Variants in CDC42BPA observed in about 807,000 individuals in gnomAD.
The protein encoded by CDC42BPA is CDC42 binding protein kinase alpha.
CDC42BPA carries 80 observed loss-of-function variants against 223.5 expected under a neutral mutation model. That is an observed-to-expected ratio of 0.36 (90% CI 0.30 to 0.43). The LOEUF (loss-of-function observed/expected upper bound fraction) is 0.43. Ranked by LOEUF, CDC42BPA falls within the 20% of genes least tolerant of loss-of-function variation. CDC42BPA has a pLI of 1.00. For synonymous variants in CDC42BPA, 694 were observed against 718.6 expected (o/e 0.97, Z 0.55); for missense variants, 1,743 against 2,099.9 (o/e 0.83, Z 3.32).
At chr1:227,004,815 T>C in intron 35 of CDC42BPA, 179 bp downstream of exon 35, 1 of 723,958 alleles carries the variant, frequency 1.4e-6, no homozygotes, top group Middle Eastern at 3.8e-4. Flanking sequence ...CTGGGACTAT[T>C]TTCTTAACAA....
chr1:227,057,717 T>C (rs558001955), intron 21 of CDC42BPA, among the ~76,000 whole-genome samples: 15 of 152,282 alleles, frequency 9.9e-5, no homozygotes, highest in African/African-American at 3.6e-4. Context: ...TCATATGTAA[T>C]AATAAGTCAA....
rs181856079 is a variant in CDC42BPA, at chr1:227,191,155, C to A, written c.599+2631G>T. On this transcript the variant is annotated intron_variant, in intron 5 of 36. Transcript: ENST00000366766. ...GGTAGGGAGTTCGAGACCAACCCGA[C>A]CAACATGGAGAAAACCCACCTCTAC... Among the ~76,000 whole-genome samples, 1,178 of 152,004 alleles carry A rather than the reference C, an allele frequency of 7.7e-3. 8 individuals are homozygous for A. Among genetic ancestry groups the A allele is most frequent in the Non-Finnish European group, 0.013 (883 of 67,940 alleles).
At chr1:227,147,018 T>C (rs1430405586) in intron 7 of CDC42BPA, among the ~76,000 whole-genome samples, 1 of 152,162 alleles carries the variant, frequency 6.6e-6, no homozygotes, top group Non-Finnish European at 1.5e-5. Context: ...GTATTGCACT[T>C]ATTACCACTA....
chr1:226,998,556 A>G (rs1004801027), intron 35 of CDC42BPA, among the ~76,000 whole-genome samples: 2 of 152,250 alleles, frequency 1.3e-5, no homozygotes, highest in African/African-American at 4.8e-5. Context: ...AGGATTCCCT[A>G]TTTAATAAAT....
intron 11 of CDC42BPA, among the ~76,000 whole-genome samples, chr1:227,126,651 C>T (rs1368399203): frequency 1.3e-5 from 2 of 152,096 alleles, no homozygotes; most frequent in African/African-American, 4.8e-5. Context: ...TACACCATGA[C>T]CATGGTTTAC....
At chr1:227,186,154 T>A (rs1236556626) in intron 5 of CDC42BPA, among the ~76,000 whole-genome samples, 1 of 152,144 alleles carries the variant, frequency 6.6e-6, no homozygotes, top group Non-Finnish European at 1.5e-5. Flanking sequence ...TGGACAAGCC[T>A]GAAAGATTAA....
At position 227,193,882 on chromosome 1, in the gene CDC42BPA, T is replaced by C. The variant is rs1296265642; in HGVS notation, c.503A>G (p.Lys168Arg). The C allele has an allele frequency of 5.6e-6, 9 of 1,613,298 alleles. No individual in the cohort carries two copies. Among genetic ancestry groups the C allele is most frequent in the Non-Finnish European group, 7.6e-6 (9 of 1,179,692 alleles). Residue 168 changes from lysine to arginine, a missense_variant, in exon 5 of 37, where the codon AAA (lysine) becomes AGA (arginine). Transcript: ENST00000366766. ...ATCTTCAGGCAATCTATCTTCAAATTTGCTGAGTAGAGTAAGCAAATCCCC... is the reference window on the plus strand; with the variant it reads ...ATCTTCAGGCAATCTATCTTCAAATCTGCTGAGTAGAGTAAGCAAATCCCC... ...VGGDLLTLLS[K>R]FEDRLPEDMA...
intron 6 of CDC42BPA, among the ~76,000 whole-genome samples, chr1:227,152,013 ACT>A (rs1661869291): frequency 6.6e-6 from 1 of 151,946 alleles, no homozygotes; most frequent in Non-Finnish European, 1.5e-5. Flanking sequence ...ACAGAGCAAG[ACT>A]CTGTCTCTAA....
At chr1:227,271,263 T>C (rs971705852) in intron 1 of CDC42BPA, among the ~76,000 whole-genome samples, 4 of 152,198 alleles carry the variant, frequency 2.6e-5, no homozygotes, top group Non-Finnish European at 5.9e-5. Flanking sequence ...AATGGTGAGC[T>C]AATGACACAG....
chr1:227,051,015 A>G (rs1014385258), intron 22 of CDC42BPA, among the ~76,000 whole-genome samples: 1 of 152,214 alleles, frequency 6.6e-6, no homozygotes, highest in Non-Finnish European at 1.5e-5. Context: ...CAAAATATTA[A>G]AACAATTATA....
chr1:227,190,720 A>C (rs1669569505), intron 5 of CDC42BPA, among the ~76,000 whole-genome samples: 2 of 152,260 alleles, frequency 1.3e-5, no homozygotes, highest in Non-Finnish European at 2.9e-5. Context: ...AAGAGGACTC[A>C]AAAAATATTT....
At chr1:227,014,784 T>C (rs975529697) in intron 34 of CDC42BPA, among the ~76,000 whole-genome samples, 2 of 152,144 alleles carry the variant, frequency 1.3e-5, no homozygotes, top group African/African-American at 2.4e-5. Flanking sequence ...CTGCGCAAAA[T>C]TTAGCAGCTA....
chr1:227,083,834 G>A (rs1681234940), intron 16 of CDC42BPA, among the ~76,000 whole-genome samples: 1 of 152,168 alleles, frequency 6.6e-6, no homozygotes, highest in South Asian at 2.1e-4. Context: ...CTTTCAATGG[G>A]TTCAACTGAA....
At chr1:227,264,990 T>A in intron 1 of CDC42BPA, 1 of 858,266 alleles carries the variant, frequency 1.2e-6, no homozygotes, top group Non-Finnish European at 2.0e-6. Flanking sequence ...TGCTGCTACC[T>A]TTTTCTTACA....
In CDC42BPA at chr1:227,213,195, C is replaced by A; in HGVS notation, c.295G>T (p.Ala99Ser). The change falls in exon 3 of 37, where the codon GCA (alanine) becomes TCA (serine). Residue 99 changes from alanine (A) to serine (S), a missense_variant. Ala to Ser is a moderately conservative substitution (Grantham distance 99). This residue lies in a region of CDC42BPA where 321 missense variants were observed against 488.7 expected (regional missense o/e 0.66). Transcript: ENST00000366766. Reference protein sequence around the residue: ...GEVAVVKLKNADKVFAMKILN... With the variant: ...GEVAVVKLKNSDKVFAMKILN... The stretch of plus-strand genomic sequence containing the variant: ...ATTTTCATGGCAAACACTTTATCTG[C>A]ATTTTTTAGTTTTACTACAGCAACC... 1 of 1,560,620 alleles carries A rather than the reference C, an allele frequency of 6.4e-7. No individual in the cohort carries two copies. The highest frequency in any genetic ancestry group is 8.8e-7 in the Non-Finnish European group (1 of 1,140,314).
chr1:227,023,194 C>A (rs955940231), intron 32 of CDC42BPA, 69 bp downstream of exon 32: 108 of 752,464 alleles, frequency 1.4e-4, no homozygotes, highest in Middle Eastern at 2.3e-4. Flanking sequence ...ATTAATGTGA[C>A]CTTGGGCAGT....
At chr1:227,293,328 C>T (rs889614013) in intron 1 of CDC42BPA, among the ~76,000 whole-genome samples, 3 of 152,086 alleles carry the variant, frequency 2.0e-5, no homozygotes, top group African/African-American at 7.2e-5. Context: ...CCTTTTAACA[C>T]TTAAATGTTT....
At chr1:227,302,179 T>C (rs541733556) in intron 1 of CDC42BPA, among the ~76,000 whole-genome samples, 136 of 152,346 alleles carry the variant, frequency 8.9e-4, no homozygotes, top group Non-Finnish European at 1.4e-3. Context: ...TCCTATATCC[T>C]GTTACTTCCT....
intron 2 of CDC42BPA, among the ~76,000 whole-genome samples, chr1:227,225,670 G>A (rs533383523): frequency 6.6e-6 from 1 of 152,102 alleles, no homozygotes; most frequent in East Asian, 1.9e-4. Flanking sequence ...CTTTATTCTT[G>A]TATTCAGTTC....
Sources: allele counts gnomAD v4.1 joint callset (sites outside exome capture counted in the v4.1 genomes callset), GRCh38; gene constraint gnomAD v4.1.1; regional missense constraint gnomAD v4.1.1; transcripts MANE v1.5; gene names NCBI Gene and HGNC (gene_info 2026-07-23, HGNC 2026-07-21).